The following CYRIB variants were observed in gnomAD, a reference collection of about 807,000 sequenced individuals.
The protein encoded by CYRIB is CYFIP-related Rac1 interactor B.
Under a neutral mutation model 44.2 loss-of-function variants are expected in CYRIB, and 8 were observed. That is an observed-to-expected ratio of 0.18 (90% CI 0.11 to 0.33). The LOEUF is 0.33. Ranked by LOEUF, CYRIB falls within the 10% of genes least tolerant of loss-of-function variation. The pLI, the probability that CYRIB is intolerant of heterozygous loss-of-function variation, is 1.00. For missense variants in CYRIB, 185 were observed against 382.8 expected (o/e 0.48, Z 4.31); for synonymous variants, 131 against 127.2 (o/e 1.03, Z -0.20).
chr8:129,885,615 C>G (rs1436674423), intron 2 of CYRIB, among the ~76,000 whole-genome samples: 1 of 152,048 alleles, frequency 6.6e-6, no homozygotes, highest in African/African-American at 2.4e-5. Flanking sequence ...CACTAGATAC[C>G]CCTTATCACC....
chr8:129,845,272 A>G (rs185289810), intron 11 of CYRIB, among the ~76,000 whole-genome samples: 3 of 152,230 alleles, frequency 2.0e-5, no homozygotes, highest in Admixed American at 6.5e-5. Context: ...AGTTTTTAAA[A>G]AAGATTTCCT....
chr8:129,974,356 G>A (rs2095834128), intron 1 of CYRIB, among the ~76,000 whole-genome samples: 1 of 152,076 alleles, frequency 6.6e-6, no homozygotes, highest in Non-Finnish European at 1.5e-5. Context: ...CAGAAACGTT[G>A]CTTATTTTAA....
At chr8:129,974,280 T>G (rs2095830635) in intron 1 of CYRIB, among the ~76,000 whole-genome samples, 2 of 152,166 alleles carry the variant, frequency 1.3e-5, no homozygotes, top group Admixed American at 1.3e-4. Flanking sequence ...TCTCAGCAAA[T>G]GTGATATAAA....
Position 129,973,007 on chromosome 8 carries a change from T to C in CYRIB, c.-295-2012A>G, listed in dbSNP as rs1292444627. The stretch of plus-strand genomic sequence containing the variant: ...TGGGCAAGTCACTTAACTTCTGTTA[T>C]AAAGTGAGGACACTCATTCACTCAA... On this transcript the variant is annotated intron_variant, in intron 1 of 14. Coordinates refer to the CYRIB transcript ENST00000401979. 2.0e-5 allele frequency among the ~76,000 whole-genome samples: 3 copies of C among 152,182 alleles called. No individual in the cohort carries two copies. The East Asian group carries it at 5.8e-4, about 29-fold the overall frequency.
At chr8:129,874,562 C>A (rs1050169812) in intron 3 of CYRIB, among the ~76,000 whole-genome samples, 2 of 152,004 alleles carry the variant, frequency 1.3e-5, no homozygotes, top group Non-Finnish European at 2.9e-5. Flanking sequence ...AAGACAGAGA[C>A]CAGAATGTAC....
At chr8:129,892,758 T>C (rs2066016134) in intron 2 of CYRIB, among the ~76,000 whole-genome samples, 1 of 152,224 alleles carries the variant, frequency 6.6e-6, no homozygotes, top group Non-Finnish European at 1.5e-5. Flanking sequence ...TAATGAACTA[T>C]AATACTGTGC....
At chr8:129,935,524 C>T (rs1292461892) in intron 1 of CYRIB, among the ~76,000 whole-genome samples, 1 of 152,174 alleles carries the variant, frequency 6.6e-6, no homozygotes, top group Non-Finnish European at 1.5e-5. Context: ...GGAGGCAGAC[C>T]TCAGGGAGTA....
chr8:129,846,285 T>C (rs2039945727), intron 11 of CYRIB, among the ~76,000 whole-genome samples: 1 of 152,212 alleles, frequency 6.6e-6, no homozygotes, highest in Non-Finnish European at 1.5e-5. Flanking sequence ...ACAAATGTAA[T>C]TACATTCTAT....
intron 2 of CYRIB, among the ~76,000 whole-genome samples, chr8:129,898,086 G>A (rs2069083120): frequency 6.1e-5 from 1 of 16,508 alleles, no homozygotes; most frequent in African/African-American, 1.5e-4. Flanking sequence ...TTTTTTTTAA[G>A]TTTTTTTGTT....
rs2084119919 is a variant in CYRIB, at chr8:129,922,362, G to A, written c.-50+17246C>T. On this transcript the variant is annotated intron_variant, in intron 1 of 11. Coordinates refer to ENST00000519824, the Ensembl canonical transcript of CYRIB. Reference sequence around the variant, plus strand: ...TTAAAGCCATTCCTACAAACAAGCAGAATTTATGGTACAAATATAACTCTA... The same window carrying A: ...TTAAAGCCATTCCTACAAACAAGCAAAATTTATGGTACAAATATAACTCTA... Among the ~76,000 whole-genome samples the A allele has an allele frequency of 2.0e-5, 3 of 152,044 alleles. No individual in the cohort carries two copies. In the South Asian group the frequency reaches 6.2e-4, roughly 32 times the overall value.
chr8:129,987,568 CTT>C (rs34876735), intron 1 of CYRIB, among the ~76,000 whole-genome samples: 44,293 of 126,426 alleles, frequency 0.35, 6,222 homozygotes, highest in African/African-American at 0.5. Flanking sequence ...TTTTTTTTTT[CTT>C]TTTTTTTTTT....
chr8:129,868,768 TC>T (rs1240227278), intron 4 of CYRIB: 1 of 151,724 alleles, frequency 6.6e-6, no homozygotes, highest in Non-Finnish European at 1.5e-5. Context: ...TACAAATGAA[TC>T]TTAATATGCA....
intron 7 of CYRIB, among the ~76,000 whole-genome samples, chr8:129,853,453 T>C (rs1425321996): frequency 3.9e-5 from 6 of 152,242 alleles, no homozygotes; most frequent in East Asian, 1.9e-4. Context: ...AAATGAATGA[T>C]AGTCTTTGAT....
At chr8:129,961,761 A>C (rs1564441795) in intron 2 of CYRIB, among the ~76,000 whole-genome samples, 1 of 152,054 alleles carries the variant, frequency 6.6e-6, no homozygotes, top group Non-Finnish European at 1.5e-5. Context: ...CTATGGCAAA[A>C]CCCTATTATT....
intron 4 of CYRIB, among the ~76,000 whole-genome samples, chr8:129,869,085 TAAAG>T (rs1418566149): frequency 4.7e-5 from 6 of 127,568 alleles, no homozygotes; most frequent in South Asian, 2.4e-4. Context: ...GAAAAAAAAA[TAAAG>T]AAGAAAGAAA....
At chr8:129,860,269 T>C (rs1028349032) in intron 5 of CYRIB, among the ~76,000 whole-genome samples, 2 of 152,202 alleles carry the variant, frequency 1.3e-5, no homozygotes, top group East Asian at 1.9e-4. Flanking sequence ...TCTTTGTGTA[T>C]TGGGATATGC....
At chr8:129,855,769 A>T in intron 5 of CYRIB, 22 bp from the exon 8 acceptor site, 1 of 1,585,086 alleles carries the variant, frequency 6.3e-7, no homozygotes, top group Non-Finnish European at 8.6e-7. Flanking sequence ...AATTGAAAAA[A>T]ACATTAAGTT....
At chr8:129,926,138 T>C (rs2087582233) in intron 1 of CYRIB, among the ~76,000 whole-genome samples, 1 of 152,238 alleles carries the variant, frequency 6.6e-6, no homozygotes, top group Non-Finnish European at 1.5e-5. Flanking sequence ...CCACCCATTT[T>C]AGCACCTTAT....
chr8:129,908,979 A>G (rs1036720538), intron 1 of CYRIB, among the ~76,000 whole-genome samples: 1 of 152,144 alleles, frequency 6.6e-6, no homozygotes, highest in Non-Finnish European at 1.5e-5. Context: ...TAAAATAGAG[A>G]TGGAGTCTTG....
Sources: gnomAD v4.1 joint callset for allele counts (sites outside exome capture counted in the v4.1 genomes callset) on GRCh38, gnomAD v4.1.1 for gene constraint, MANE v1.5 for transcripts, NCBI Gene and HGNC (gene_info 2026-07-23, HGNC 2026-07-21) for gene names.